Variants in RAB11FIP2 observed in about 807,000 individuals in gnomAD.
The protein encoded by RAB11FIP2 is rab11 family-interacting protein 2.
A neutral mutation model predicts 40.9 loss-of-function variants in RAB11FIP2; 16 were observed. The observed-to-expected ratio is 0.39, with a 90% confidence interval of 0.26 to 0.59. The LOEUF (loss-of-function observed/expected upper bound fraction) is 0.59. Ranked by LOEUF, RAB11FIP2 falls within the 20% of genes least tolerant of loss-of-function variation. The probability of loss-of-function intolerance (pLI) is 0.53; values close to 1 mark genes in which losing one functional copy is unlikely to be tolerated. For synonymous variants in RAB11FIP2, 228 were observed against 213.7 expected (o/e 1.07, Z -0.58); for missense variants, 532 against 606.2 (o/e 0.88, Z 1.28).
intron 3 of RAB11FIP2, among the ~76,000 whole-genome samples, chr10:118,030,541 A>G (rs1393995500): frequency 6.6e-6 from 1 of 152,142 alleles, no homozygotes; most frequent in Admixed American, 6.6e-5. Context: ...GGTCCTAACA[A>G]CACATTAAAA....
At chr10:118,044,481 T>C (rs374913769) in intron 1 of RAB11FIP2, among the ~76,000 whole-genome samples, 2 of 152,296 alleles carry the variant, frequency 1.3e-5, no homozygotes, top group East Asian at 3.9e-4. Context: ...ACTCTTTAGG[T>C]ATCAAATAAT....
In RAB11FIP2 at chr10:118,022,385, T is replaced by C. The variant is rs549399923; in HGVS notation, c.1266-7275A>G. ...GTTCTCAAGCTCAAGTCTAACCTCATTATTCGTCTGTCAAAAAACTTTTGA... is the reference window on the plus strand; with the variant it reads ...GTTCTCAAGCTCAAGTCTAACCTCACTATTCGTCTGTCAAAAAACTTTTGA... On this transcript the variant is annotated intron_variant, in intron 3 of 4. Coordinates refer to ENST00000355624, the MANE Select transcript of RAB11FIP2 (RefSeq NM_014904.3). Among the ~76,000 whole-genome samples the C allele has an allele frequency of 4.6e-5, 7 of 152,294 alleles. No homozygotes were observed. The South Asian group carries it at 1.4e-3, about 32-fold the overall frequency.
At chr10:118,037,149 C>A (rs1310008763) in intron 3 of RAB11FIP2, among the ~76,000 whole-genome samples, 1 of 152,006 alleles carries the variant, frequency 6.6e-6, no homozygotes, top group Non-Finnish European at 1.5e-5. Flanking sequence ...TTTCTATTTA[C>A]CCATATAAGA....
rs1846634183 is a variant in RAB11FIP2, at chr10:118,046,217, G to A, written c.-54C>T. ...CCTAGCACAGGCAGTGCCCCTCCCG[G>A]AGGGAGAGCCTAATTCCTTAATCAC... On this transcript the variant is annotated 5_prime_UTR_variant, in exon 1 of 5. Transcript: ENST00000355624. The A allele has an allele frequency of 2.8e-6, 4 of 1,452,248 alleles. No individual in the cohort carries two copies. The Admixed American group carries it at 7.1e-5, about 26-fold the overall frequency. 90.0% of individuals were successfully genotyped at this position (1,452,248 alleles called of 1,614,324 possible). A position where few individuals can be genotyped will look rare whatever the true frequency, so the allele number is the denominator to read the frequency against.
rs1022006479 is a variant in RAB11FIP2, at chr10:118,029,227, C to A, written c.1265+9745G>T. 3.3e-5 allele frequency among the ~76,000 whole-genome samples: 5 copies of A among 151,774 alleles called. No individual in the cohort carries two copies. In the South Asian group the frequency reaches 1.0e-3, roughly 32 times the overall value. On this transcript the variant is annotated intron_variant, in intron 3 of 4. Transcript: ENST00000355624. Reference sequence around the variant, plus strand: ...TTCTCCCTTACCAGTCCCCCCAATACCCCCCTACCCAAAAGCAGAATGGGT... The same window carrying A: ...TTCTCCCTTACCAGTCCCCCCAATAACCCCCTACCCAAAAGCAGAATGGGT...
intron 1 of RAB11FIP2, among the ~76,000 whole-genome samples, chr10:118,043,184 CA>C (rs769410991): frequency 1.3e-4 from 20 of 151,994 alleles, no homozygotes; most frequent in Non-Finnish European, 2.9e-4. Flanking sequence ...AGAAATGGGA[CA>C]AAATTGGCAG....
chr10:118,017,351 G>C (rs1457761155), intron 3 of RAB11FIP2: 1 of 152,256 alleles, frequency 6.6e-6, no homozygotes, highest in Non-Finnish European at 1.5e-5. Flanking sequence ...TGTGGGAGGT[G>C]GGGGAGAGCA....
chr10:118,046,478 C>T lies in RAB11FIP2; in HGVS notation c.-315G>A, dbSNP rs186566902. The T allele has an allele frequency of 1.5e-5, 4 of 272,952 alleles. No individual in the cohort carries two copies. The East Asian group carries it at 2.1e-4, about 14-fold the overall frequency. The allele number at this position is 272,952 out of a possible 1,614,324, so 16.9% of individuals were successfully genotyped here. On this transcript the variant is annotated 5_prime_UTR_variant, in exon 1 of 5. Transcript: ENST00000355624. ...GCCTGCGGGGCACGTGAGGCCTGGC[C>T]ACACGGACCCGGGCGGAGGGCTGCG...
At chr10:118,042,209 T>C (rs1846569016) in intron 1 of RAB11FIP2, among the ~76,000 whole-genome samples, 1 of 151,810 alleles carries the variant, frequency 6.6e-6, no homozygotes, top group African/African-American at 2.4e-5. Context: ...GTACCAAAAA[T>C]TTGCAAACAA....
chr10:118,045,701 T>C (rs1846619847), intron 1 of RAB11FIP2, 110 bp downstream of exon 1: 1 of 845,032 alleles, frequency 1.2e-6, no homozygotes, highest in Non-Finnish European at 1.8e-6. Flanking sequence ...AACTGGATCA[T>C]ATTTCAATCC....
At chr10:118,024,612 T>C (rs556339298) in intron 3 of RAB11FIP2, among the ~76,000 whole-genome samples, 6 of 152,068 alleles carry the variant, frequency 3.9e-5, no homozygotes, top group Non-Finnish European at 8.8e-5. Flanking sequence ...CCTGTCTACG[T>C]GATCAAGACA....
At chr10:118,015,211 G>T in intron 3 of RAB11FIP2, 101 bp from the exon 4 acceptor site, 2 of 903,768 alleles carry the variant, frequency 2.2e-6, no homozygotes, top group South Asian at 2.0e-5. Flanking sequence ...AATTTCTAAA[G>T]CCCTACATTA....
intron 3 of RAB11FIP2, among the ~76,000 whole-genome samples, chr10:118,030,287 G>T (rs1017095364): frequency 2.0e-5 from 3 of 152,088 alleles, no homozygotes; most frequent in African/African-American, 7.2e-5. Flanking sequence ...GTGCACTGGG[G>T]TCACTGGAAT....
intron 4 of RAB11FIP2, among the ~76,000 whole-genome samples, chr10:118,013,530 A>C (rs542553642): frequency 6.6e-6 from 1 of 152,228 alleles, no homozygotes; most frequent in South Asian, 2.1e-4. Context: ...TGGAGAACTT[A>C]ATGTAAATTA....
intron 3 of RAB11FIP2, among the ~76,000 whole-genome samples, chr10:118,023,301 T>C (rs1846303329): frequency 6.6e-6 from 1 of 152,214 alleles, no homozygotes; most frequent in Admixed American, 6.5e-5. Flanking sequence ...GAGATTCCAC[T>C]AAAGAGATTT....
At chr10:118,021,710 C>A (rs1341962160) in intron 3 of RAB11FIP2, among the ~76,000 whole-genome samples, 3 of 152,240 alleles carry the variant, frequency 2.0e-5, no homozygotes, top group Non-Finnish European at 4.4e-5. Flanking sequence ...AACCTCTCAG[C>A]TCCATGTGAT....
intron 3 of RAB11FIP2, among the ~76,000 whole-genome samples, chr10:118,028,216 A>C (rs1846368962): frequency 1.3e-5 from 2 of 152,092 alleles, no homozygotes; most frequent in African/African-American, 4.8e-5. Context: ...ATTGCTTTTT[A>C]AGTGGTATCA....
At chr10:118,034,156 A>C in intron 3 of RAB11FIP2, 1 of 649,538 alleles carries the variant, frequency 1.5e-6, no homozygotes, top group East Asian at 2.9e-5. Context: ...GTGTTCGAAC[A>C]AAACTTTACA....
intron 3 of RAB11FIP2, 64 bp from the exon 4 acceptor site, chr10:118,015,174 A>G: frequency 7.2e-7 from 1 of 1,389,388 alleles, no homozygotes; most frequent in Non-Finnish European, 1.0e-6. Context: ...ATAAAAATAG[A>G]AAAATTTTAA....
Sources: allele counts gnomAD v4.1 joint callset (sites outside exome capture counted in the v4.1 genomes callset), GRCh38; gene constraint gnomAD v4.1.1; transcripts MANE v1.5; gene names NCBI Gene and HGNC (gene_info 2026-07-23, HGNC 2026-07-21).